Variants in NR4A1 observed in about 807,000 individuals in gnomAD.
NR4A1 encodes the protein nuclear receptor subfamily 4 group A member 1.
A neutral mutation model predicts 47.5 loss-of-function variants in NR4A1; 24 were observed. The observed-to-expected ratio is 0.50, with a 90% CI of 0.37 to 0.71. NR4A1 has a LOEUF of 0.71. Among genes scored for constraint, NR4A1 ranks in the 30% least tolerant of loss-of-function variants. The probability of loss-of-function intolerance (pLI) is 0.00; values close to 1 mark genes in which losing one functional copy is unlikely to be tolerated. For missense variants in NR4A1, 669 were observed against 788.6 expected (o/e 0.85, Z 1.82); for synonymous variants, 353 against 345.7 (o/e 1.02, Z -0.24).
Position 52,057,080 on chromosome 12 carries a change from C to T in NR4A1, c.1182C>T (p.His394=), listed in dbSNP as rs1403489757. 1 of 1,607,904 alleles carries T rather than the reference C, an allele frequency of 6.2e-7. No individual in the cohort carries two copies. Among genetic ancestry groups the T allele is most frequent in the Admixed American group, 1.7e-5 (1 of 59,208 alleles). ...YSKFQELVLP[H]FGKEDAGDVQ... is the part of the protein sequence containing the mutation. ...AGTTCCAGGAGCTGGTGCTGCCCCA[C>T]TTTGGGAAGGAAGATGCTGGGGATG... Residue 394 remains histidine, a synonymous_variant, in exon 5 of 7, where the codon CAC becomes CAT. Coordinates refer to ENST00000394825, the MANE Select transcript of NR4A1 (RefSeq NM_173157.3).
At chr12:52,038,550 G>A (rs1050562840) in intron 1 of NR4A1, 2 of 605,188 alleles carry the variant, frequency 3.3e-6, no homozygotes, top group African/African-American at 3.7e-5. Flanking sequence ...GGGTGCTGAT[G>A]GATTTGGGGG....
intron 1 of NR4A1, chr12:52,037,131 CCGCCGGGGGAGGCG>C (rs1477002313): frequency 2.0e-5 from 3 of 148,788 alleles, no homozygotes; most frequent in Middle Eastern, 3.4e-3. Flanking sequence ...CCCGCCCCGC[CCGCCGGGGGAGGCG>C]CGCCGGGGCT....
At chr12:52,037,615 C>T in intron 1 of NR4A1, 4 of 985,490 alleles carry the variant, frequency 4.1e-6, no homozygotes, top group Non-Finnish European at 4.8e-6. Flanking sequence ...GAGTCAGCCC[C>T]CAAGGGCGAC....
upstream of NR4A1, among the ~76,000 whole-genome samples, chr12:52,051,089 G>T (rs1030086317): frequency 6.6e-6 from 1 of 152,198 alleles, no homozygotes; most frequent in Non-Finnish European, 1.5e-5. Flanking sequence ...TGGACCTGGG[G>T]GCCCCCAGCT....
Position 52,058,779 on chromosome 12 carries a change from C to G in NR4A1, c.1632C>G (p.Gly544=). The G allele has an allele frequency of 1.9e-6, 3 of 1,607,478 alleles. No individual in the cohort carries two copies. Among genetic ancestry groups the G allele is most frequent in the East Asian group, 4.5e-5 (2 of 44,244 alleles). The change falls in exon 7 of 7, where the codon GGC becomes GGG. Residue 544 remains glycine, a synonymous_variant. Transcript: ENST00000394825. ...AGGAGCACGTGGCAGCTGTGGCGGG[C>G]GAGCCCCAGCCAGCCAGCTGCCTGT... The part of the protein sequence containing the change: ...CLKEHVAAVA[G]EPQPASCLSR...
At chr12:52,037,557 C>A in intron 1 of NR4A1, 3 of 976,202 alleles carry the variant, frequency 3.1e-6, no homozygotes, top group South Asian at 9.5e-5. Context: ...CGCTTGGAAA[C>A]TGGGGAGTCG....
chr12:52,056,875 AT>A, intron 4 of NR4A1, 181 bp from the exon 5 acceptor site: 1 of 803,290 alleles, frequency 1.2e-6, no homozygotes, highest in Non-Finnish European at 1.9e-6. Context: ...TTAGAAAAAT[AT>A]GTCCTTTTGG....
intron 1 of NR4A1, among the ~76,000 whole-genome samples, chr12:52,036,208 C>T (rs1464473447): frequency 6.6e-6 from 1 of 152,182 alleles, no homozygotes; most frequent in Non-Finnish European, 1.5e-5. Context: ...CAGGATGGTT[C>T]TTCCATTTCC....
chr12:52,036,951 C>G (rs1938254333), intron 1 of NR4A1, among the ~76,000 whole-genome samples: 1 of 152,250 alleles, frequency 6.6e-6, no homozygotes, highest in African/African-American at 2.4e-5. Flanking sequence ...TGAGAACCAG[C>G]TCCCCGGCTC....
chr12:52,048,225 A>G (rs1374064017), upstream of NR4A1, among the ~76,000 whole-genome samples: 1 of 152,032 alleles, frequency 6.6e-6, no homozygotes, highest in Non-Finnish European at 1.5e-5. Context: ...GTCAAGCCAC[A>G]GATAACGCAC....
At position 52,051,582 on chromosome 12, in the gene NR4A1, G is replaced by C. The variant is rs1400731347; in HGVS notation, c.-3+14G>C. ...GGAGCCGGCCGGGTAGGTTCCCTTC[G>C]GGGAACGTGCATCTGTTTTTAGGAG... On this transcript the variant is annotated intron_variant, in intron 1 of 6. Coordinates refer to ENST00000394825, the MANE Select transcript of NR4A1 (RefSeq NM_173157.3). 1.0e-6 allele frequency: 1 copy of C among 985,596 alleles called. No individual in the cohort carries two copies. The highest frequency in any genetic ancestry group is 1.2e-6 in the Non-Finnish European group (1 of 830,132). The allele number at this position is 985,596 out of a possible 1,614,324, so 61.1% of individuals were successfully genotyped here.
chr12:52,055,405 G>GC, intron 2 of NR4A1: 1 of 647,638 alleles, frequency 1.5e-6, no homozygotes, highest in African/African-American at 2.5e-5. Flanking sequence ...CGGGACACTC[G>GC]GGCCCATGGG....
chr12:52,052,304 T>TGTGAGAGAGA (rs398019589), intron 1 of NR4A1, among the ~76,000 whole-genome samples: 1 of 70,594 alleles, frequency 1.4e-5, no homozygotes, highest in African/African-American at 4.6e-5. Flanking sequence ...TGTGTGTGTG[T>TGTGAGAGAGA]GAGAGAGAGA....
chr12:52,057,155 G>A lies in NR4A1; in HGVS notation c.1257G>A (p.Lys419=). The A allele has an allele frequency of 1.2e-6, 2 of 1,614,142 alleles. No homozygotes were observed. The highest frequency in any genetic ancestry group is 8.5e-7 in the Non-Finnish European group (1 of 1,179,984). ...LLSGSLEVIR[K]WAEKIPGFAE... ...CCGGTTCTCTGGAGGTCATCCGCAAGTGGGCGGAGAAGATCCCTGGCTTTG... is the reference window on the plus strand; with the variant it reads ...CCGGTTCTCTGGAGGTCATCCGCAAATGGGCGGAGAAGATCCCTGGCTTTG... Residue 419 remains lysine (K), a synonymous_variant, in exon 5 of 7, where the codon AAG becomes AAA. Transcript: ENST00000394825.
Position 52,056,642 on chromosome 12 carries a change from C to T in NR4A1, c.1155C>T (p.Ser385=). 6.3e-7 allele frequency: 1 copy of T among 1,585,960 alleles called. No individual in the cohort carries two copies. The highest frequency in any genetic ancestry group is 2.3e-5 in the East Asian group (1 of 43,818). ...CCAGCACTGCCAAACTGGACTACTC[C>T]AAGGTGAGGTCCCACCCCGTGTCTG... The part of the protein sequence containing the change: ...SGPSTAKLDY[S]KFQELVLPHF... Residue 385 remains serine (S), a synonymous_variant, in exon 4 of 7, where the codon TCC becomes TCT. Transcript: ENST00000394825.
At chr12:52,041,734 G>A (rs1417540317) in intron 1 of NR4A1, 3 of 1,247,548 alleles carry the variant, frequency 2.4e-6, no homozygotes, top group Non-Finnish European at 3.0e-6. Flanking sequence ...ATTCCTGCGT[G>A]TCCTGGGCAT....
intron 3 of NR4A1, 26 bp downstream of exon 3, chr12:52,056,185 G>C (rs757835349): frequency 6.3e-7 from 1 of 1,576,606 alleles, no homozygotes; most frequent in East Asian, 2.3e-5. Context: ...GCGGCCCAGC[G>C]GGGCAAGGGT....
chr12:52,024,589 A>G (rs1342790070), intron 1 of NR4A1, among the ~76,000 whole-genome samples: 1 of 152,156 alleles, frequency 6.6e-6, no homozygotes, highest in Non-Finnish European at 1.5e-5. Flanking sequence ...AGAGGCTGAG[A>G]TGGGAGGCTC....
intron 1 of NR4A1, chr12:52,037,283 G>T (rs1938269986): frequency 1.4e-6 from 1 of 722,624 alleles, no homozygotes; most frequent in Non-Finnish European, 1.7e-6. Flanking sequence ...GCGCGAGGAG[G>T]AGGTGGCGGC....
Sources: gnomAD v4.1 joint callset for allele counts (sites outside exome capture counted in the v4.1 genomes callset) on GRCh38, gnomAD v4.1.1 for gene constraint, MANE v1.5 for transcripts, NCBI Gene and HGNC (gene_info 2026-07-23, HGNC 2026-07-21) for gene names.